TAB2: variants seen among roughly 807,000 people sequenced by gnomAD.
TAB2 encodes TGF-beta activated kinase 1 (MAP3K7) binding protein 2, also known as TGF-beta-activated kinase 1 and MAP3K7-binding protein 2.
Under a neutral mutation model 65.0 loss-of-function variants are expected in TAB2, and 3 were observed. That is an observed-to-expected ratio of 0.05 (90% CI 0.02 to 0.12). The LOEUF (loss-of-function observed/expected upper bound fraction) is 0.12, where lower values mean the gene tolerates loss of function less well. TAB2 is among the 10% of genes least tolerant of loss of function. The pLI, the probability that TAB2 is intolerant of heterozygous loss-of-function variation, is 1.00. For missense variants in TAB2, 623 were observed against 840.3 expected, an observed-to-expected ratio of 0.74 and a Z score of 3.20; for synonymous variants, 298 against 285.1, an observed-to-expected ratio of 1.05 and a Z score of -0.46.
chr6:149,340,103 A>G (rs925440262), intron 1 of TAB2, among the ~76,000 whole-genome samples: 14 of 152,306 alleles, frequency 9.2e-5, no homozygotes, highest in East Asian at 1.9e-4. Context: ...TCAACATCAA[A>G]TCTATGATTC....
At position 149,379,156 on chromosome 6, in the gene TAB2, G is replaced by C. The variant is rs775633022; in HGVS notation, c.1241G>C (p.Gly414Ala). The change falls in exon 3 of 7, where the codon GGA becomes GCA. Residue 414 changes from glycine to alanine, a missense_variant. This residue lies in a region of TAB2 where 550 missense variants were observed against 665.7 expected (regional missense o/e 0.83). Coordinates refer to ENST00000637181, the MANE Select transcript of TAB2 (RefSeq NM_001292034.3). ...ACACTCTTCATATCCACAAACTCTGGAGCATCTGCTGCCTCCAGGAACATG... is the reference window on the plus strand; with the variant it reads ...ACACTCTTCATATCCACAAACTCTGCAGCATCTGCTGCCTCCAGGAACATG... Reference protein sequence around the residue: ...QPTLFISTNSGASAASRNMSG... With the variant: ...QPTLFISTNSAASAASRNMSG... 4 of 1,614,152 alleles carry C rather than the reference G, an allele frequency of 2.5e-6. No individual in the cohort carries two copies.
chr6:149,263,147 A>C (rs1778189547), intron 1 of TAB2, among the ~76,000 whole-genome samples: 1 of 152,198 alleles, frequency 6.6e-6, no homozygotes, highest in Non-Finnish European at 1.5e-5. Flanking sequence ...TTGGGGAAAG[A>C]GCATTCAACT....
At chr6:149,293,766 C>T (rs1255413167) in intron 1 of TAB2, among the ~76,000 whole-genome samples, 1 of 152,170 alleles carries the variant, frequency 6.6e-6, no homozygotes, top group Admixed American at 6.5e-5. Flanking sequence ...TGGATCACTT[C>T]ACAGATAATA....
chr6:149,340,252 C>T (rs1489315604), intron 1 of TAB2, among the ~76,000 whole-genome samples: 1 of 152,184 alleles, frequency 6.6e-6, no homozygotes, highest in Non-Finnish European at 1.5e-5. Context: ...TTTACACCTA[C>T]ATCCTTTTGG....
intron 1 of TAB2, among the ~76,000 whole-genome samples, chr6:149,275,129 T>TG (rs372301165): frequency 5.9e-5 from 7 of 118,312 alleles, no homozygotes; most frequent in Admixed American, 1.6e-4. Context: ...TCTTCTGTTT[T>TG]TTTTTTTTTT....
chr6:149,300,802 G>GTCCATACCA (rs1369883524), intron 1 of TAB2, among the ~76,000 whole-genome samples: 2 of 152,172 alleles, frequency 1.3e-5, no homozygotes. Context: ...GGTGAAAGGA[G>GTCCATACCA]TCCATACCAT....
intron 1 of TAB2, among the ~76,000 whole-genome samples, chr6:149,298,661 A>C (rs1437797557): frequency 6.6e-6 from 1 of 152,192 alleles, no homozygotes; most frequent in East Asian, 1.9e-4. Context: ...TAAAACAGTC[A>C]TTTAACCTTT....
intron 1 of TAB2, among the ~76,000 whole-genome samples, chr6:149,311,819 T>C (rs1040389760): frequency 6.6e-6 from 1 of 152,144 alleles, no homozygotes; most frequent in African/African-American, 2.4e-5. Context: ...ACCATCATTG[T>C]TGGCCAGTTG....
At chr6:149,347,955 T>C (rs372130484) in intron 1 of TAB2, among the ~76,000 whole-genome samples, 10 of 152,334 alleles carry the variant, frequency 6.6e-5, no homozygotes, top group South Asian at 6.2e-4. Context: ...TAAAATTTGC[T>C]TTAATTTAAA....
At chr6:149,407,240 A>C (rs1782696109) in intron 6 of TAB2, among the ~76,000 whole-genome samples, 1 of 152,186 alleles carries the variant, frequency 6.6e-6, no homozygotes, top group African/African-American at 2.4e-5. Context: ...AAAATATGCA[A>C]GATGTGTTTT....
At chr6:149,313,996 A>AGCAGAAATGGTC (rs1319917981), upstream of TAB2, among the ~76,000 whole-genome samples, 1 of 152,224 alleles carries the variant, frequency 6.6e-6, no homozygotes, top group Non-Finnish European at 1.5e-5. Flanking sequence ...AAGATAGCAA[A>AGCAGAAATGGTC]GCAGAAATGG....
intron 3 of TAB2, among the ~76,000 whole-genome samples, chr6:149,382,938 G>A (rs1781666773): frequency 6.6e-6 from 1 of 152,148 alleles, no homozygotes; most frequent in Non-Finnish European, 1.5e-5. Flanking sequence ...TGGATCACAA[G>A]GTCAAAAGAT....
intron 1 of TAB2, among the ~76,000 whole-genome samples, chr6:149,328,799 G>A (rs142622190): frequency 6.6e-6 from 1 of 152,154 alleles, no homozygotes; most frequent in Non-Finnish European, 1.5e-5. Flanking sequence ...TCCATAGGAG[G>A]TAGTGTCTCC....
Position 149,359,360 on chromosome 6 carries a change from T to A in TAB2, c.-89-10549T>A, listed in dbSNP as rs148709543. Among the ~76,000 whole-genome samples, 276 of 152,358 alleles carry A rather than the reference T, an allele frequency of 1.8e-3. 1 individual carries two copies. The highest frequency in any genetic ancestry group is 5.6e-3 in the African/African-American group (231 of 41,582). The stretch of plus-strand genomic sequence containing the variant: ...TAATTTCTATTTTAAGTTTCTTTTC[T>A]ACACCTGTAGTGTAAATTTGGATTC... On this transcript the variant is annotated intron_variant, in intron 1 of 6. Coordinates refer to ENST00000637181, the MANE Select transcript of TAB2 (RefSeq NM_001292034.3).
At chr6:149,351,060 C>T (rs1352178524) in intron 1 of TAB2, among the ~76,000 whole-genome samples, 1 of 152,070 alleles carries the variant, frequency 6.6e-6, no homozygotes, top group Non-Finnish European at 1.5e-5. Flanking sequence ...GTGACACGAT[C>T]CCCAGAATCT....
chr6:149,220,079 G>A (rs1777108222), intron 1 of TAB2, among the ~76,000 whole-genome samples: 1 of 152,190 alleles, frequency 6.6e-6, no homozygotes, highest in South Asian at 2.1e-4. Flanking sequence ...AAATGAGTAA[G>A]ATGTGTATGT....
intron 1 of TAB2, among the ~76,000 whole-genome samples, chr6:149,268,159 G>A (rs927544037): frequency 1.1e-4 from 17 of 152,104 alleles, no homozygotes; most frequent in African/African-American, 3.4e-4. Flanking sequence ...AAACCCAGAC[G>A]TCATCAGTTC....
intron 1 of TAB2, among the ~76,000 whole-genome samples, chr6:149,306,684 A>C (rs979954436): frequency 1.5e-4 from 23 of 152,094 alleles, no homozygotes; most frequent in African/African-American, 5.1e-4. Context: ...CCCGGGAGGC[A>C]GAGGTTGCAG....
At chr6:149,297,989 T>C (rs1302140542) in intron 1 of TAB2, among the ~76,000 whole-genome samples, 1 of 152,240 alleles carries the variant, frequency 6.6e-6, no homozygotes, top group East Asian at 1.9e-4. Context: ...CATTGGATTA[T>C]GAAAATTCTG....
Sources: allele counts gnomAD v4.1 joint callset (sites outside exome capture counted in the v4.1 genomes callset), GRCh38; gene constraint gnomAD v4.1.1; regional missense constraint gnomAD v4.1.1; transcripts MANE v1.5; gene names NCBI Gene and HGNC (gene_info 2026-07-23, HGNC 2026-07-21).